SCRN1: variants seen among roughly 807,000 people sequenced by gnomAD.
SCRN1 encodes the protein secernin 1.
A neutral mutation model predicts 43.3 loss-of-function variants in SCRN1; 19 were observed. The observed-to-expected ratio is 0.44, with a 90% confidence interval of 0.31 to 0.64. The LOEUF (loss-of-function observed/expected upper bound fraction) is 0.64. Ranked by LOEUF, SCRN1 falls within the 30% of genes least tolerant of loss-of-function variation. SCRN1 has a pLI of 0.09. For synonymous variants in SCRN1, 183 were observed against 188.9 expected (o/e 0.97, Z 0.26); for missense variants, 447 against 524.1 (o/e 0.85, Z 1.44).
chr7:29,922,024 T>C lies in SCRN1; in HGVS notation c.*1933A>G, dbSNP rs369064354. 3 of 152,140 alleles carry C rather than the reference T, an allele frequency of 2.0e-5. No individual in the cohort carries two copies. Among genetic ancestry groups the C allele is most frequent in the African/African-American group, 7.2e-5 (3 of 41,474 alleles). 9.4% of individuals were successfully genotyped at this position (152,140 alleles called of 1,614,324 possible). A position where few individuals can be genotyped will look rare whatever the true frequency, so the allele number is the denominator to read the frequency against. ...TGGGAGGGGAGAGTTACCTACGTCATCCTCGAACCTCACTTTCCCCCCCCC... is the reference window on the plus strand; with the variant it reads ...TGGGAGGGGAGAGTTACCTACGTCACCCTCGAACCTCACTTTCCCCCCCCC... On this transcript the variant is annotated 3_prime_UTR_variant, in exon 8 of 8. Transcript: ENST00000242059.
At chr7:29,962,793 A>C (rs1191864078) in intron 2 of SCRN1, among the ~76,000 whole-genome samples, 1 of 152,204 alleles carries the variant, frequency 6.6e-6, no homozygotes, top group African/African-American at 2.4e-5. Context: ...TCATAGTTTA[A>C]AAAAGTCTGT....
chr7:29,961,001 G>T (rs1197138070), intron 2 of SCRN1, among the ~76,000 whole-genome samples: 1 of 150,296 alleles, frequency 6.7e-6, no homozygotes, highest in Non-Finnish European at 1.5e-5. Context: ...GCAGCTGAAA[G>T]AAAAAATCCA....
chr7:29,986,104 C>T (rs1331934303), intron 1 of SCRN1, among the ~76,000 whole-genome samples: 7 of 152,234 alleles, frequency 4.6e-5, no homozygotes, highest in Middle Eastern at 3.4e-3. Flanking sequence ...GCTGTGGTGG[C>T]GCACGCCTGT....
upstream of SCRN1, chr7:29,989,814 C>T (rs888036708): frequency 1.1e-4 from 113 of 985,614 alleles, no homozygotes; most frequent in Admixed American, 2.0e-3. Context: ...GGCGCTGGGG[C>T]CCGCCGCCCC....
chr7:29,977,580 T>C (rs1323727515), intron 1 of SCRN1, among the ~76,000 whole-genome samples: 4 of 152,252 alleles, frequency 2.6e-5, no homozygotes, highest in Admixed American at 2.0e-4. Flanking sequence ...AGAAAGATTT[T>C]ACTAAGTGTT....
At chr7:29,942,303 A>C (rs1463330445) in intron 4 of SCRN1, among the ~76,000 whole-genome samples, 1 of 152,236 alleles carries the variant, frequency 6.6e-6, no homozygotes, top group African/African-American at 2.4e-5. Context: ...ACTGCAATCC[A>C]TCACACCGCT....
chr7:29,977,731 C>T (rs1056722258), intron 1 of SCRN1, among the ~76,000 whole-genome samples: 12 of 152,308 alleles, frequency 7.9e-5, no homozygotes, highest in African/African-American at 2.9e-4. Context: ...AGTAAGCAGG[C>T]TTTGAAGCCC....
chr7:29,938,842 C>A (rs1787431790), intron 5 of SCRN1, among the ~76,000 whole-genome samples: 1 of 152,228 alleles, frequency 6.6e-6, no homozygotes, highest in Non-Finnish European at 1.5e-5. Context: ...TGATTTCCCA[C>A]TCCACACCTC....
Position 29,965,295 on chromosome 7 carries a change from G to A in SCRN1, c.159+3614C>T, listed in dbSNP as rs1788451866. Among the ~76,000 whole-genome samples, 1 of 152,144 alleles carries A rather than the reference G, an allele frequency of 6.6e-6. No individual in the cohort carries two copies. Among genetic ancestry groups the A allele is most frequent in the South Asian group, 2.1e-4 (1 of 4,818 alleles). On this transcript the variant is annotated intron_variant, in intron 2 of 7. Coordinates refer to ENST00000242059, the MANE Select transcript of SCRN1 (RefSeq NM_014766.5). This position sits in a 1 kb window ranked among gnomAD's most constrained non-coding sequence, Gnocchi z 4.2. ...GGAGTGGTAGAGCTATCTATGTTCTGGGAAGAAAATTCTGGTAACCCTGTA... is the reference window on the plus strand; with the variant it reads ...GGAGTGGTAGAGCTATCTATGTTCTAGGAAGAAAATTCTGGTAACCCTGTA...
At position 29,923,780 on chromosome 7, in the gene SCRN1, C is replaced by T. The variant is rs1562798479; in HGVS notation, c.*177G>A. 4.4e-6 allele frequency: 3 copies of T among 686,578 alleles called. 1 individual carries two copies. The highest frequency in any genetic ancestry group is 3.6e-5 in the South Asian group (2 of 55,034). 42.5% of individuals were successfully genotyped at this position (686,578 alleles called of 1,614,324 possible). A position where few individuals can be genotyped will look rare whatever the true frequency, so the allele number is the denominator to read the frequency against. ...CTGCACAGGAAGGAGACCTACATTG[C>T]AGAAGGGGACGCTGTGAGATTCAAG... is the stretch of plus-strand genomic sequence containing the variant. On this transcript the variant is annotated 3_prime_UTR_variant, in exon 8 of 8. Coordinates refer to ENST00000242059, the MANE Select transcript of SCRN1 (RefSeq NM_014766.5).
Position 29,950,476 on chromosome 7 carries a change from G to T in SCRN1, c.341+4703C>A, listed in dbSNP as rs1400131105. 2.6e-5 allele frequency among the ~76,000 whole-genome samples: 4 copies of T among 152,200 alleles called. No individual in the cohort carries two copies. The highest frequency in any genetic ancestry group is 5.9e-5 in the Non-Finnish European group (4 of 68,028). ...GGCAGACAGTTTCCTGGGCGGAAAGGAGCAGGTCCCCAGTGAAACCCCACC... is the reference window on the plus strand; with the variant it reads ...GGCAGACAGTTTCCTGGGCGGAAAGTAGCAGGTCCCCAGTGAAACCCCACC... On this transcript the variant is annotated intron_variant, in intron 3 of 7. Coordinates refer to ENST00000242059, the MANE Select transcript of SCRN1 (RefSeq NM_014766.5). The surrounding 1 kb of genome is among the most constrained non-coding windows in gnomAD (Gnocchi z 4.5).
intron 1 of SCRN1, among the ~76,000 whole-genome samples, chr7:29,974,407 CTA>C (rs1373937896): frequency 3.3e-5 from 5 of 152,156 alleles, no homozygotes; most frequent in African/African-American, 1.2e-4. Context: ...TGTTTCATTA[CTA>C]TGTTTCACAC....
At chr7:29,945,346 G>T (rs1787701237) in intron 3 of SCRN1, among the ~76,000 whole-genome samples, 1 of 152,172 alleles carries the variant, frequency 6.6e-6, no homozygotes, top group Non-Finnish European at 1.5e-5. Context: ...TCTTTCCTGT[G>T]CTATTCTCGT....
chr7:29,968,543 T>G (rs1245079021), intron 2 of SCRN1, among the ~76,000 whole-genome samples: 1 of 152,216 alleles, frequency 6.6e-6, no homozygotes, highest in Non-Finnish European at 1.5e-5. Flanking sequence ...TGTGTAATTT[T>G]GCAAATGGAA....
chr7:29,989,905 C>G (rs967942062), upstream of SCRN1: 59 of 1,101,154 alleles, frequency 5.4e-5, no homozygotes, highest in African/African-American at 8.5e-4. Context: ...CCCGCCGCAC[C>G]CCGCGCGTCT....
intron 4 of SCRN1, among the ~76,000 whole-genome samples, chr7:29,942,744 T>C (rs1327410105): frequency 6.6e-6 from 1 of 152,040 alleles, no homozygotes; most frequent in Non-Finnish European, 1.5e-5. Flanking sequence ...CCGTGATTGC[T>C]GACGGACACC....
intron 1 of SCRN1, among the ~76,000 whole-genome samples, chr7:29,970,645 T>C (rs989538086): frequency 6.6e-6 from 1 of 152,222 alleles, no homozygotes; most frequent in African/African-American, 2.4e-5. Flanking sequence ...GTACACTATG[T>C]CTTATGCAGA....
Position 29,936,588 on chromosome 7 carries a change from A to C in SCRN1, c.873T>G (p.Ile291Met). The C allele has an allele frequency of 6.3e-7, 1 of 1,598,098 alleles. No homozygotes were observed. The highest frequency in any genetic ancestry group is 8.6e-7 in the Non-Finnish European group (1 of 1,167,564). Reference protein sequence around the residue: ...VLPQNRSSPCIHYFTGTPDPS... With the variant: ...VLPQNRSSPCMHYFTGTPDPS... ...GATCAGGGGTTCCAGTGAAGTAGTG[A>C]ATGCACGGAGAGCTTCTATTCTGCG... Residue 291 changes from isoleucine (I) to methionine (M), a missense_variant, in exon 6 of 8, where the codon ATT becomes ATG. Ile to Met is a conservative substitution (Grantham distance 10, BLOSUM62 1). Coordinates refer to ENST00000242059, the MANE Select transcript of SCRN1 (RefSeq NM_014766.5).
chr7:29,961,802 C>T (rs1005210789), intron 2 of SCRN1, among the ~76,000 whole-genome samples: 1 of 145,760 alleles, frequency 6.9e-6, no homozygotes, highest in Non-Finnish European at 1.5e-5. Flanking sequence ...CCCTCCCGGA[C>T]GGAGCGGCTG....
Sources: gnomAD v4.1 joint callset for allele counts (sites outside exome capture counted in the v4.1 genomes callset) on GRCh38, gnomAD v4.1.1 for gene constraint, Gnocchi (gnomAD v3.1) non-coding constraint, MANE v1.5 for transcripts, NCBI Gene and HGNC (gene_info 2026-07-23, HGNC 2026-07-21) for gene names.